Variants in CCDC170 observed in about 807,000 individuals in gnomAD.
CCDC170 encodes coiled-coil domain-containing protein 170.
In CCDC170, 69 loss-of-function variants were observed where a neutral mutation model predicts 72.6. The observed-to-expected ratio is 0.95, with a 90% CI of 0.78 to 1.16. CCDC170 has a LOEUF of 1.16. Among genes scored for constraint, CCDC170 ranks in the 50% most tolerant of loss-of-function variants. CCDC170 has a pLI of 0.00. For synonymous variants in CCDC170, 300 were observed against 303.9 expected, an observed-to-expected ratio of 0.99 and a Z score of 0.13; for missense variants, 852 against 832.5, an observed-to-expected ratio of 1.02 and a Z score of -0.29.
chr6:151,567,605 G>T (rs1429049208), intron 5 of CCDC170, among the ~76,000 whole-genome samples: 1 of 152,128 alleles, frequency 6.6e-6, no homozygotes, highest in Non-Finnish European at 1.5e-5. Context: ...TTTTGTAAAG[G>T]TATAGTTATG....
intron 5 of CCDC170, among the ~76,000 whole-genome samples, chr6:151,560,908 C>T (rs1003429995): frequency 6.6e-6 from 1 of 151,964 alleles, no homozygotes; most frequent in Admixed American, 6.6e-5. Context: ...CTTTTTAATC[C>T]AATTTACCAC....
chr6:151,559,428 T>A (rs994614557), intron 5 of CCDC170, among the ~76,000 whole-genome samples: 10 of 152,218 alleles, frequency 6.6e-5, no homozygotes, highest in African/African-American at 2.2e-4. Context: ...TTCCCTTCCT[T>A]GGTTAAATTT....
At chr6:151,614,335 A>G (rs1326224358) in intron 9 of CCDC170, among the ~76,000 whole-genome samples, 2 of 152,086 alleles carry the variant, frequency 1.3e-5, no homozygotes, top group African/African-American at 4.8e-5. Flanking sequence ...GAATTAGCCT[A>G]TTCTACGTAC....
At chr6:151,576,047 A>C (rs1776297680) in intron 6 of CCDC170, among the ~76,000 whole-genome samples, 1 of 152,216 alleles carries the variant, frequency 6.6e-6, no homozygotes, top group South Asian at 2.1e-4. Flanking sequence ...TTTCCAGCTC[A>C]TGAAAATTTA....
intron 1 of CCDC170, among the ~76,000 whole-genome samples, chr6:151,505,376 A>G (rs1782051346): frequency 6.6e-6 from 1 of 151,936 alleles, no homozygotes; most frequent in Non-Finnish European, 1.5e-5. Flanking sequence ...ATTGTTCTCC[A>G]CTCTAGGATT....
At chr6:151,617,408 C>CTTTTTTTTTTTTTTTTTTTTTTTTTT (rs745655791) in intron 10 of CCDC170, among the ~76,000 whole-genome samples, 6 of 91,474 alleles carry the variant, frequency 6.6e-5, no homozygotes, top group Middle Eastern at 5.7e-3. Flanking sequence ...GCTGTTTGTT[C>CTTTTTTTTTTTTTTTTTTTTTTTTTT]TTTTTTTTTT....
chr6:151,494,244 G>A, intron 1 of CCDC170, 59 bp downstream of exon 1: 2 of 1,430,318 alleles, frequency 1.4e-6, no homozygotes, highest in South Asian at 2.7e-5. Flanking sequence ...CGACCCAGGA[G>A]GGGCCGAGGC....
intron 7 of CCDC170, among the ~76,000 whole-genome samples, chr6:151,591,047 T>C (rs1776526957): frequency 6.6e-6 from 1 of 151,908 alleles, no homozygotes; most frequent in Non-Finnish European, 1.5e-5. Flanking sequence ...CTGTGACTTA[T>C]AAAGAAGAGA....
intron 1 of CCDC170, among the ~76,000 whole-genome samples, chr6:151,533,123 G>A (rs562926463): frequency 3.4e-5 from 5 of 149,232 alleles, no homozygotes; most frequent in South Asian, 2.1e-4. Flanking sequence ...GCACGGTCTC[G>A]GCTTACTGCA....
At chr6:151,605,178 A>C (rs1343802957) in intron 9 of CCDC170, among the ~76,000 whole-genome samples, 1 of 152,168 alleles carries the variant, frequency 6.6e-6, no homozygotes, top group Non-Finnish European at 1.5e-5. Flanking sequence ...ATTTCACTTT[A>C]CATAATGTCC....
intron 5 of CCDC170, among the ~76,000 whole-genome samples, chr6:151,559,218 G>C (rs1179120358): frequency 1.3e-5 from 2 of 151,856 alleles, no homozygotes; most frequent in Non-Finnish European, 2.9e-5. Flanking sequence ...TGCCATGTTG[G>C]CCAGGCTGGT....
At chr6:151,572,069 G>GT (rs1776226607) in intron 5 of CCDC170, among the ~76,000 whole-genome samples, 1 of 152,074 alleles carries the variant, frequency 6.6e-6, no homozygotes, top group African/African-American at 2.4e-5. Flanking sequence ...GCCCAGGCTG[G>GT]TCTCCAACTC....
intron 1 of CCDC170, among the ~76,000 whole-genome samples, chr6:151,516,151 A>C (rs1330848089): frequency 6.6e-6 from 1 of 152,028 alleles, no homozygotes; most frequent in Non-Finnish European, 1.5e-5. Flanking sequence ...ATATAATGCT[A>C]TACTAGAGTC....
rs535318693 is a variant in CCDC170 at position 151,613,207 on chromosome 6, C to G, written c.1711-2236C>G. On this transcript the variant is annotated intron_variant, in intron 9 of 10. Coordinates refer to ENST00000239374, the MANE Select transcript of CCDC170 (RefSeq NM_025059.4). ...TCACTTGAGGCCAGGGGTCCAAGAC[C>G]AGCCTGGCCAGCATGGCAATACCAT... Among the ~76,000 whole-genome samples the G allele has an allele frequency of 5.3e-5, 8 of 152,256 alleles. No homozygotes were observed. In the South Asian group the frequency reaches 1.7e-3, roughly 32 times the overall value.
chr6:151,586,922 T>C (rs879400034), intron 7 of CCDC170, among the ~76,000 whole-genome samples: 2 of 151,906 alleles, frequency 1.3e-5, no homozygotes, highest in Non-Finnish European at 2.9e-5. Context: ...GTAGCTGAGA[T>C]TACAGGCGCC....
At position 151,618,016 on chromosome 6, in the gene CCDC170, T is replaced by G; in HGVS notation, c.2017T>G (p.Tyr673Asp). The change falls in exon 11 of 11, where the codon TAT becomes GAT. Residue 673 changes from tyrosine to aspartate, a missense_variant. Tyr to Asp is a radical substitution (Grantham distance 160). Transcript: ENST00000239374. ...CGTGACCAGCCTTGCTCTTCCTGAT[T>G]ATGAAATCATCAAGTGTCTTGAAAG... ...LNVTSLALPD[Y>D]EIIKCLERLV... is the part of the protein sequence containing the mutation. 2.5e-6 allele frequency: 4 copies of G among 1,614,158 alleles called. No individual in the cohort carries two copies. Among genetic ancestry groups the G allele is most frequent in the Non-Finnish European group, 3.4e-6 (4 of 1,180,012 alleles).
chr6:151,508,367 G>T (rs761062942), intron 1 of CCDC170, among the ~76,000 whole-genome samples: 4 of 151,982 alleles, frequency 2.6e-5, no homozygotes, highest in Admixed American at 6.6e-5. Context: ...GTGAAACCCT[G>T]CCTCTCCTAA....
chr6:151,617,910 G>T, intron 10 of CCDC170, 37 bp from the exon 11 acceptor site: 1 of 1,591,624 alleles, frequency 6.3e-7, no homozygotes, highest in Non-Finnish European at 8.6e-7. Context: ...GATACATTTT[G>T]TTCTCCCAGT....
chr6:151,525,482 C>T (rs1373187454), intron 1 of CCDC170, among the ~76,000 whole-genome samples: 1 of 152,170 alleles, frequency 6.6e-6, no homozygotes, highest in Non-Finnish European at 1.5e-5. Flanking sequence ...ATACACCCTC[C>T]CCACCCTTGG....
Sources: gnomAD v4.1 joint callset for allele counts (sites outside exome capture counted in the v4.1 genomes callset) on GRCh38, gnomAD v4.1.1 for gene constraint, MANE v1.5 for transcripts, NCBI Gene and HGNC (gene_info 2026-07-23, HGNC 2026-07-21) for gene names.